DCDC2C: variants seen among roughly 807,000 people sequenced by gnomAD.
DCDC2C encodes doublecortin domain-containing protein 2C.
DCDC2C carries 44 observed loss-of-function variants against 45.0 expected under a neutral mutation model. That is an observed-to-expected ratio of 0.98 (90% CI 0.77 to 1.26). The LOEUF (loss-of-function observed/expected upper bound fraction) is 1.26, where lower values mean the gene tolerates loss of function less well. Ranked by LOEUF, DCDC2C falls within the 50% of genes most tolerant of loss-of-function variation. The pLI, the probability that DCDC2C is intolerant of heterozygous loss-of-function variation, is 0.00. For synonymous variants in DCDC2C, 187 were observed against 178.8 expected (o/e 1.05, Z -0.37); for missense variants, 447 against 468.9 (o/e 0.95, Z 0.43).
At chr2:3,759,398 A>C (rs1462875939) in intron 6 of DCDC2C, among the ~76,000 whole-genome samples, 1 of 152,236 alleles carries the variant, frequency 6.6e-6, no homozygotes, top group Non-Finnish European at 1.5e-5. Context: ...ACATATTTTA[A>C]ATGGCACTTC....
chr2:3,759,844 T>C (rs1669830055), intron 6 of DCDC2C, among the ~76,000 whole-genome samples: 1 of 152,258 alleles, frequency 6.6e-6, no homozygotes, highest in Non-Finnish European at 1.5e-5. Context: ...AGGATGGGGC[T>C]CCTTTGCATC....
intron 10 of DCDC2C, among the ~76,000 whole-genome samples, chr2:3,792,520 T>G (rs1246692878): frequency 6.6e-6 from 1 of 152,224 alleles, no homozygotes; most frequent in Non-Finnish European, 1.5e-5. Context: ...ATATATGAAT[T>G]ATTTCAAATT....
chr2:3,812,256 C>A (rs1192650133), intron 10 of DCDC2C, among the ~76,000 whole-genome samples: 2 of 150,290 alleles, frequency 1.3e-5, no homozygotes, highest in East Asian at 3.9e-4. Flanking sequence ...GCCTCAATTT[C>A]AGAACTTGTT....
chr2:3,760,759 T>C (rs1422319109), intron 6 of DCDC2C, among the ~76,000 whole-genome samples: 1 of 151,866 alleles, frequency 6.6e-6, no homozygotes, highest in East Asian at 1.9e-4. Context: ...GATGGGTTGA[T>C]AGGTGCAGCA....
intron 8 of DCDC2C, among the ~76,000 whole-genome samples, chr2:3,776,821 C>T (rs1260681393): frequency 3.3e-5 from 5 of 152,326 alleles, no homozygotes; most frequent in Admixed American, 6.5e-5. Context: ...ATGCAACTCG[C>T]GGTCTCCTTC....
Position 3,778,346 on chromosome 2 carries a change from G to C in DCDC2C, c.955-470G>C, listed in dbSNP as rs1670408866. ...AACCACATGCTTCTCCCCAAGAGCA[G>C]GGAGAGGCTCCAGGACACAGATTAG... On this transcript the variant is annotated intron_variant, in intron 8 of 10. Coordinates refer to ENST00000399143, the MANE Select transcript of DCDC2C (RefSeq NM_001287444.2). Among the ~76,000 whole-genome samples, 3 of 152,348 alleles carry C rather than the reference G, an allele frequency of 2.0e-5. No homozygotes were observed. The South Asian group carries it at 6.2e-4, about 32-fold the overall frequency.
chr2:3,716,823 C>T (rs2148054555), intron 2 of DCDC2C, among the ~76,000 whole-genome samples: 1 of 152,264 alleles, frequency 6.6e-6, no homozygotes, highest in Non-Finnish European at 1.5e-5. Flanking sequence ...CATGTGGTTT[C>T]TCTTAGCATA....
intron 10 of DCDC2C, among the ~76,000 whole-genome samples, chr2:3,814,512 G>A (rs544008058): frequency 2.1e-3 from 321 of 152,190 alleles, no homozygotes; most frequent in Non-Finnish European, 3.4e-3. Context: ...GCCTACTTCT[G>A]TCAATTCGTC....
Position 3,763,537 on chromosome 2 carries a change from G to A in DCDC2C, c.727-4217G>A, listed in dbSNP as rs75777461. 2.5e-3 allele frequency among the ~76,000 whole-genome samples: 379 copies of A among 152,308 alleles called. 11 individuals carry two copies. In the East Asian group the frequency reaches 0.063, roughly 25 times the overall value. Reference sequence around the variant, plus strand: ...GTTCAGCTCTGTGTCACCAATGCAAGAGCACCCGCCAAGGTGGCCCTAGTC... The same window carrying A: ...GTTCAGCTCTGTGTCACCAATGCAAAAGCACCCGCCAAGGTGGCCCTAGTC... On this transcript the variant is annotated intron_variant, in intron 6 of 10. Transcript: ENST00000399143.
At chr2:3,823,233 AT>A (rs552262195) in intron 10 of DCDC2C, among the ~76,000 whole-genome samples, 16 of 149,272 alleles carry the variant, frequency 1.1e-4, no homozygotes, top group Non-Finnish European at 2.1e-4. Flanking sequence ...TCTCTGATCT[AT>A]TTTTTTTTCA....
intron 10 of DCDC2C, among the ~76,000 whole-genome samples, chr2:3,824,705 C>T (rs12988367): frequency 0.16 from 23,571 of 152,020 alleles, 1,908 homozygotes; most frequent in East Asian, 0.29. Context: ...CTCTTCCCCC[C>T]GACCCCAGAG....
chr2:3,806,543 G>C (rs1440069378), intron 10 of DCDC2C, among the ~76,000 whole-genome samples: 2 of 104,514 alleles, frequency 1.9e-5, no homozygotes, highest in African/African-American at 3.7e-5. Context: ...ATCTTTGAGT[G>C]TCTTTTTTTT....
intron 2 of DCDC2C, among the ~76,000 whole-genome samples, chr2:3,719,944 T>C (rs1308213225): frequency 6.6e-6 from 1 of 152,160 alleles, no homozygotes; most frequent in African/African-American, 2.4e-5. Flanking sequence ...AAAGCACCTC[T>C]TGAGAGGGTG....
chr2:3,812,350 G>C (rs1671420018), intron 10 of DCDC2C, among the ~76,000 whole-genome samples: 1 of 151,786 alleles, frequency 6.6e-6, no homozygotes, highest in African/African-American at 2.4e-5. Flanking sequence ...TTTCTTCCAT[G>C]TTTTCTAGTT....
At chr2:3,785,264 A>G (rs1301160929) in intron 10 of DCDC2C, among the ~76,000 whole-genome samples, 164 bp downstream of exon 10, 1 of 152,172 alleles carries the variant, frequency 6.6e-6, no homozygotes, top group Admixed American at 6.5e-5. Flanking sequence ...TAGAAAACAA[A>G]CTTGGAGGAA....
intron 10 of DCDC2C, among the ~76,000 whole-genome samples, chr2:3,802,626 A>G (rs1297869494): frequency 1.3e-5 from 2 of 152,124 alleles, no homozygotes; most frequent in South Asian, 2.1e-4. Context: ...GCTTCTTCCT[A>G]TGTCCTCATG....
chr2:3,713,069 C>T (rs1668259547), intron 2 of DCDC2C, among the ~76,000 whole-genome samples: 2 of 152,188 alleles, frequency 1.3e-5, no homozygotes, highest in African/African-American at 2.4e-5. Flanking sequence ...GGCTCGTTTG[C>T]AGTAGAGCTT....
chr2:3,838,863 C>A (rs930470377), intron 10 of DCDC2C, among the ~76,000 whole-genome samples: 2 of 152,184 alleles, frequency 1.3e-5, no homozygotes, highest in African/African-American at 2.4e-5. Flanking sequence ...GAACTAAGTT[C>A]TTATTCCCTA....
Position 3,818,855 on chromosome 2 carries a change from A to G in DCDC2C, c.1066-28299A>G, listed in dbSNP as rs942499758. ...AGCCCAGGAATAGTCAGGGAAGTAG[A>G]TAATTTAGTTAAAATGTTTCAGTTA... On this transcript the variant is annotated intron_variant, in intron 10 of 10. Coordinates refer to ENST00000399143, the MANE Select transcript of DCDC2C (RefSeq NM_001287444.2). This position sits in a 1 kb window ranked among gnomAD's most constrained non-coding sequence, Gnocchi z 4.7. Among the ~76,000 whole-genome samples, 4 of 152,188 alleles carry G rather than the reference A, an allele frequency of 2.6e-5. No homozygotes were observed. Among genetic ancestry groups the G allele is most frequent in the African/African-American group, 9.7e-5 (4 of 41,430 alleles).
Sources: allele counts gnomAD v4.1 joint callset (sites outside exome capture counted in the v4.1 genomes callset), GRCh38; gene constraint gnomAD v4.1.1; non-coding constraint Gnocchi (gnomAD v3.1); transcripts MANE v1.5; gene names NCBI Gene and HGNC (gene_info 2026-07-23, HGNC 2026-07-21).